Variants in CACNA1C observed in about 807,000 individuals in gnomAD.
CACNA1C encodes voltage-dependent L-type calcium channel subunit alpha-1C.
Under a neutral mutation model 229.0 loss-of-function variants are expected in CACNA1C, and 30 were observed. The observed-to-expected ratio is 0.13, with a 90% CI of 0.10 to 0.18. The LOEUF (loss-of-function observed/expected upper bound fraction) is 0.18. Ranked by LOEUF, CACNA1C falls within the 10% of genes least tolerant of loss-of-function variation. The probability of loss-of-function intolerance (pLI) is 1.00; values close to 1 mark genes in which losing one functional copy is unlikely to be tolerated. For synonymous variants in CACNA1C, 1,114 were observed against 1,132.5 expected, an observed-to-expected ratio of 0.98 and a Z score of 0.33; for missense variants, 1,658 against 2,845.0, an observed-to-expected ratio of 0.58 and a Z score of 9.49.
chr12:2,321,981 G>T (rs1192189430), intron 3 of CACNA1C, among the ~76,000 whole-genome samples: 1 of 152,214 alleles, frequency 6.6e-6, no homozygotes, highest in Non-Finnish European at 1.5e-5. Context: ...AGGTGTCCCA[G>T]ATTAGCCTGA....
chr12:2,485,707 G>T (rs1249066196), intron 5 of CACNA1C, among the ~76,000 whole-genome samples: 1 of 152,138 alleles, frequency 6.6e-6, no homozygotes, highest in Non-Finnish European at 1.5e-5. Flanking sequence ...AAACCTCGAG[G>T]ATAAATGAGT....
chr12:2,373,270 T>C (rs2097919509), intron 3 of CACNA1C, among the ~76,000 whole-genome samples: 1 of 152,200 alleles, frequency 6.6e-6, no homozygotes, highest in African/African-American at 2.4e-5. Flanking sequence ...ACTGAGCTTC[T>C]CCATGTGGCA....
chr12:2,362,215 A>C (rs1034254903), intron 3 of CACNA1C, among the ~76,000 whole-genome samples: 2 of 152,090 alleles, frequency 1.3e-5, no homozygotes, highest in Admixed American at 1.3e-4. Flanking sequence ...AGGGGGCGTG[A>C]AGGCCACTGG....
At chr12:2,223,180 C>A (rs921880505) in intron 3 of CACNA1C, among the ~76,000 whole-genome samples, 1 of 152,202 alleles carries the variant, frequency 6.6e-6, no homozygotes, top group Non-Finnish European at 1.5e-5. Flanking sequence ...GAATGTCTTA[C>A]TGGGGAGTCA....
intron 5 of CACNA1C, among the ~76,000 whole-genome samples, chr12:2,465,885 A>G (rs2099547249): frequency 6.6e-6 from 1 of 152,042 alleles, no homozygotes; most frequent in Non-Finnish European, 1.5e-5. Context: ...GGTCTGGGCC[A>G]TCCTGCTCTG....
chr12:2,655,648 G>T (rs112279479), intron 34 of CACNA1C, among the ~76,000 whole-genome samples: 1 of 152,146 alleles, frequency 6.6e-6, no homozygotes. Flanking sequence ...GCCATTTGCC[G>T]TGCTGGGCGC....
intron 5 of CACNA1C, among the ~76,000 whole-genome samples, chr12:2,471,635 A>G (rs1273738912): frequency 6.6e-6 from 1 of 151,430 alleles, no homozygotes; most frequent in Non-Finnish European, 1.5e-5. Flanking sequence ...AACTTTAAAG[A>G]TGTTCCATTT....
rs1388388488 is a variant in CACNA1C at position 2,696,377 on chromosome 12, TC to T, written c.*5179del. On this transcript the variant is annotated 3_prime_UTR_variant, in exon 47 of 47. Transcript: ENST00000399655. ...TTACACAGAGGCTTGAAATGTTACA[TC>T]ACCAGAGCCAAGTCCTCTCCCTTCA... 2 of 152,152 alleles carry T rather than the reference TC, an allele frequency of 1.3e-5. No individual in the cohort carries two copies. Among genetic ancestry groups the T allele is most frequent in the African/African-American group, 2.4e-5 (1 of 41,426 alleles). 9.4% of individuals were successfully genotyped at this position (152,152 alleles called of 1,614,324 possible).
intron 3 of CACNA1C, among the ~76,000 whole-genome samples, chr12:2,175,582 C>T (rs1240542449): frequency 1.3e-5 from 2 of 152,180 alleles, no homozygotes; most frequent in Admixed American, 1.3e-4. Flanking sequence ...TTGGCAGCCT[C>T]ATCCTTCATC....
intron 30 of CACNA1C, among the ~76,000 whole-genome samples, chr12:2,637,330 T>A (rs1486444729): frequency 6.6e-6 from 1 of 152,218 alleles, no homozygotes; most frequent in Non-Finnish European, 1.5e-5. Context: ...GCAAATGACA[T>A]TCCTTCCAAA....
chr12:2,207,492 G>A (rs2097785429), intron 3 of CACNA1C, among the ~76,000 whole-genome samples: 1 of 152,136 alleles, frequency 6.6e-6, no homozygotes. Context: ...GACATGTAAT[G>A]CATTATAATT....
At chr12:1,974,565 A>G (rs2033693023) in intron 1 of CACNA1C, among the ~76,000 whole-genome samples, 1 of 152,196 alleles carries the variant, frequency 6.6e-6, no homozygotes, top group Non-Finnish European at 1.5e-5. Context: ...CTAAGAGCTC[A>G]AAGGATGCAA....
intron 3 of CACNA1C, among the ~76,000 whole-genome samples, chr12:2,395,476 C>T (rs975907600): frequency 7.2e-5 from 11 of 152,174 alleles, no homozygotes; most frequent in Admixed American, 3.9e-4. Context: ...ACCTTGGCCT[C>T]TCAAAGTGAC....
intron 1 of CACNA1C, among the ~76,000 whole-genome samples, chr12:2,087,173 C>T (rs1413403649): frequency 6.6e-6 from 1 of 152,184 alleles, no homozygotes; most frequent in East Asian, 1.9e-4. Flanking sequence ...GACTCCTCAT[C>T]GCTCCAGTTT....
intron 24 of CACNA1C, among the ~76,000 whole-genome samples, chr12:2,606,214 T>G (rs2075271823): frequency 6.6e-6 from 1 of 152,072 alleles, no homozygotes; most frequent in South Asian, 2.1e-4. Context: ...ACCCCTCGTG[T>G]CCTCCTTGGA....
intron 30 of CACNA1C, among the ~76,000 whole-genome samples, chr12:2,638,144 A>AT (rs1312149662): frequency 6.6e-6 from 1 of 152,222 alleles, no homozygotes; most frequent in Non-Finnish European, 1.5e-5. Flanking sequence ...TCACAATGCA[A>AT]TGAGGACAGA....
At chr12:2,159,865 A>C (rs748495951) in intron 3 of CACNA1C, among the ~76,000 whole-genome samples, 12 of 152,162 alleles carry the variant, frequency 7.9e-5, no homozygotes, top group Non-Finnish European at 1.8e-4. Flanking sequence ...CGGCCTCCCA[A>C]AGTGCTGGGA....
intron 3 of CACNA1C, among the ~76,000 whole-genome samples, chr12:2,336,744 T>G (rs995791327): frequency 1.3e-5 from 2 of 152,000 alleles, no homozygotes; most frequent in Non-Finnish European, 2.9e-5. Flanking sequence ...TTCCTCCTCT[T>G]TAGGGGCCCT....
Position 2,665,095 on chromosome 12 carries a change from G to T in CACNA1C, c.4398+105G>T. The T allele has an allele frequency of 8.0e-7, 1 of 1,249,148 alleles. No homozygotes were observed. The allele number at this position is 1,249,148 out of a possible 1,614,324, so 77.4% of individuals were successfully genotyped here. A position where few individuals can be genotyped will look rare whatever the true frequency, so the allele number is the denominator to read the frequency against. ...TCATGGTCAGGGCAACCCTATCAGA[G>T]GAGCTGGCTTGGGAAGACTAAGTTG... is the stretch of plus-strand genomic sequence containing the variant. On this transcript the variant is annotated intron_variant, in intron 35 of 46. Coordinates refer to ENST00000399655, the MANE Select transcript of CACNA1C (RefSeq NM_000719.7). The surrounding 1 kb of genome is among the most constrained non-coding windows in gnomAD (Gnocchi z 5.9).
Sources: allele counts gnomAD v4.1 joint callset (sites outside exome capture counted in the v4.1 genomes callset), GRCh38; gene constraint gnomAD v4.1.1; non-coding constraint Gnocchi (gnomAD v3.1); transcripts MANE v1.5; gene names NCBI Gene and HGNC (gene_info 2026-07-23, HGNC 2026-07-21).